Variants in KIDINS220 observed in about 807,000 individuals in gnomAD.
The protein encoded by KIDINS220 is kinase D-interacting substrate of 220 kDa.
KIDINS220 carries 63 observed loss-of-function variants against 157.6 expected under a neutral mutation model. The ratio of observed to expected loss-of-function variants is 0.40; its 90% confidence interval spans 0.33 to 0.49. The LOEUF (loss-of-function observed/expected upper bound fraction) is 0.49. Among genes scored for constraint, KIDINS220 ranks in the 20% least tolerant of loss-of-function variants. KIDINS220 has a pLI of 0.66. For synonymous variants in KIDINS220, 732 were observed against 783.6 expected (o/e 0.93, Z 1.10); for missense variants, 1,772 against 2,171.2 (o/e 0.82, Z 3.65).
At chr2:8,726,754 T>A, downstream of KIDINS220, 1 of 410,950 alleles carries the variant, frequency 2.4e-6, no homozygotes, top group East Asian at 7.2e-5. Context: ...TGTCTAAACA[T>A]AGAAAAAGGA....
intron 26 of KIDINS220, chr2:8,737,371 T>C (rs1361006449): frequency 6.0e-6 from 1 of 165,596 alleles, no homozygotes; most frequent in Non-Finnish European, 1.3e-5. Flanking sequence ...GATGGAAAAC[T>C]ACTGATGCCA....
At chr2:8,821,605 C>G (rs1367348459) in intron 2 of KIDINS220, among the ~76,000 whole-genome samples, 4 of 152,206 alleles carry the variant, frequency 2.6e-5, no homozygotes, top group Admixed American at 2.6e-4. Flanking sequence ...AATGGCTCAT[C>G]TAGCTTGTCA....
chr2:8,770,622 T>TTAAA, intron 22 of KIDINS220, 48 bp downstream of exon 22: 2 of 1,076,258 alleles, frequency 1.9e-6, no homozygotes, highest in Non-Finnish European at 2.6e-6. Flanking sequence ...TTTTTTTTTT[T>TTAAA]AACTCAACCT....
At chr2:8,735,628 T>C (rs573721697) in intron 27 of KIDINS220, among the ~76,000 whole-genome samples, 2 of 152,332 alleles carry the variant, frequency 1.3e-5, no homozygotes, top group East Asian at 3.8e-4. Context: ...TCTTTATTAA[T>C]AATAGGTAGC....
intron 22 of KIDINS220, among the ~76,000 whole-genome samples, chr2:8,753,164 C>T (rs1233528451): frequency 7.2e-5 from 11 of 151,908 alleles, no homozygotes; most frequent in African/African-American, 2.7e-4. Context: ...ATCAAATGTC[C>T]ACTAACAGAT....
rs764454119 is a variant in KIDINS220 at position 8,731,148 on chromosome 2, G to C, written c.4888C>G (p.His1630Asp). ...GGATCTTGCAGGCCACTCAGGCTATGTGGGATTCCCCGCTTTCCGCTGTGA... is the reference window on the plus strand; with the variant it reads ...GGATCTTGCAGGCCACTCAGGCTATCTGGGATTCCCCGCTTTCCGCTGTGA... Reference protein sequence around the residue: ...DSHSGKRGIPHSLSGLQDPII... With the variant: ...DSHSGKRGIPDSLSGLQDPII... Residue 1630 changes from histidine (H) to aspartate (D), a missense_variant, in exon 30 of 30, where the codon CAT (histidine) becomes GAT (aspartate). Transcript: ENST00000256707. The surrounding 1 kb of genome is among the most constrained non-coding windows in gnomAD (Gnocchi z 5.2). The C allele has an allele frequency of 6.2e-7, 1 of 1,614,196 alleles. No homozygotes were observed. The highest frequency in any genetic ancestry group is 8.5e-7 in the Non-Finnish European group (1 of 1,180,044).
At chr2:8,826,777 T>G (rs1383935150) in intron 2 of KIDINS220, 3 of 321,370 alleles carry the variant, frequency 9.3e-6, no homozygotes, top group Non-Finnish European at 1.7e-5. Context: ...AAACAATAAA[T>G]CTAAATTCAA....
Position 8,750,453 on chromosome 2 carries a change from G to A in KIDINS220, c.3191-118C>T, listed in dbSNP as rs369593284. On this transcript the variant is annotated intron_variant, in intron 23 of 29. Transcript: ENST00000256707. The stretch of plus-strand genomic sequence containing the variant: ...AACATGACTTTATCACTCTTGCCAC[G>A]GATTCCAACTAGATTAAAAAAGAAG... 7.8e-5 allele frequency: 47 copies of A among 606,280 alleles called. 1 individual carries two copies. The highest frequency in any genetic ancestry group is 4.1e-4 in the South Asian group (6 of 14,732). The allele number at this position is 606,280 out of a possible 1,614,324, so 37.6% of individuals were successfully genotyped here.
At chr2:8,793,670 G>T in intron 12 of KIDINS220, 140 bp downstream of exon 12, 4 of 681,532 alleles carry the variant, frequency 5.9e-6, no homozygotes, top group Non-Finnish European at 9.4e-6. Context: ...AACTCCTGGG[G>T]TCAAGCAATC....
chr2:8,799,831 C>T (rs1674451129), intron 9 of KIDINS220, among the ~76,000 whole-genome samples: 2 of 152,176 alleles, frequency 1.3e-5, no homozygotes, highest in Non-Finnish European at 2.9e-5. Flanking sequence ...AAGTCTAAAG[C>T]TCTTGAAGTA....
intron 6 of KIDINS220, among the ~76,000 whole-genome samples, chr2:8,808,119 G>A: frequency 6.6e-6 from 1 of 151,340 alleles, no homozygotes; most frequent in Non-Finnish European, 1.5e-5. Flanking sequence ...GCAAGACTCT[G>A]TCTCAAAAAG....
At chr2:8,727,118 T>C, downstream of KIDINS220, 1 of 1,095,442 alleles carries the variant, frequency 9.1e-7, no homozygotes, top group Non-Finnish European at 1.2e-6. Flanking sequence ...ATGCTTAGAA[T>C]TCTGAGGTAG....
chr2:8,781,810 T>C (rs764555603), intron 17 of KIDINS220, among the ~76,000 whole-genome samples: 1 of 152,188 alleles, frequency 6.6e-6, no homozygotes, highest in African/African-American at 2.4e-5. Context: ...CATATATTCG[T>C]AAAGAAGAAA....
intron 25 of KIDINS220, 49 bp downstream of exon 25, chr2:8,747,838 C>T: frequency 8.4e-7 from 1 of 1,190,494 alleles, no homozygotes. Context: ...CAAATGCTAT[C>T]TATGTTTATT....
At chr2:8,747,305 C>T in intron 25 of KIDINS220, 104 bp from the exon 26 acceptor site, 1 of 972,526 alleles carries the variant, frequency 1.0e-6, no homozygotes, top group Admixed American at 1.8e-5. Flanking sequence ...CACTGAAACT[C>T]AACAGTTTAT....
chr2:8,735,420 T>TA (rs1664727396), intron 27 of KIDINS220, among the ~76,000 whole-genome samples: 1 of 151,994 alleles, frequency 6.6e-6, no homozygotes, highest in Admixed American at 6.6e-5. Context: ...TAGTCCCAGC[T>TA]ACTTGGGAGG....
downstream of KIDINS220, chr2:8,725,459 GAACA>G (rs1389275436): frequency 6.6e-6 from 1 of 152,120 alleles, no homozygotes; most frequent in African/African-American, 2.4e-5. Flanking sequence ...CAACTACTAA[GAACA>G]AATAAAACTA....
At chr2:8,753,141 A>G (rs1037104959) in intron 22 of KIDINS220, among the ~76,000 whole-genome samples, 2 of 152,202 alleles carry the variant, frequency 1.3e-5, no homozygotes, top group African/African-American at 2.4e-5. Flanking sequence ...GTAGATGAGA[A>G]AACTAGAAAC....
intron 22 of KIDINS220, among the ~76,000 whole-genome samples, chr2:8,766,874 T>A (rs1037197795): frequency 6.6e-6 from 1 of 152,238 alleles, no homozygotes; most frequent in African/African-American, 2.4e-5. Flanking sequence ...TTCACCTTTA[T>A]CTTTAGAAAT....
Sources: gnomAD v4.1 joint callset for allele counts (sites outside exome capture counted in the v4.1 genomes callset) on GRCh38, gnomAD v4.1.1 for gene constraint, Gnocchi (gnomAD v3.1) non-coding constraint, MANE v1.5 for transcripts, NCBI Gene and HGNC (gene_info 2026-07-23, HGNC 2026-07-21) for gene names.